The following PHKB variants were observed in gnomAD, a reference collection of about 807,000 sequenced individuals.
PHKB encodes the protein phosphorylase b kinase regulatory subunit beta.
In PHKB, 122 loss-of-function variants were observed where a neutral mutation model predicts 152.1. The observed-to-expected ratio is 0.80, with a 90% confidence interval of 0.69 to 0.93. PHKB has a LOEUF of 0.93. Among genes scored for constraint, PHKB ranks in the 40% least tolerant of loss-of-function variants. The pLI is 0.00. For synonymous variants in PHKB, 436 were observed against 464.9 expected (o/e 0.94, Z 0.80); for missense variants, 1,304 against 1,328.4 (o/e 0.98, Z 0.29).
chr16:47,558,806 TC>T (rs747097543), intron 7 of PHKB, among the ~76,000 whole-genome samples: 3 of 152,222 alleles, frequency 2.0e-5, no homozygotes, highest in Non-Finnish European at 2.9e-5. Flanking sequence ...CACCTTGGCC[TC>T]CCAAAGTGCT....
At chr16:47,516,156 G>A (rs1164901140) in intron 6 of PHKB, among the ~76,000 whole-genome samples, 1 of 152,082 alleles carries the variant, frequency 6.6e-6, no homozygotes, top group East Asian at 1.9e-4. Flanking sequence ...TTGATCTCCT[G>A]ACCTTGTGAT....
At chr16:47,665,663 G>C in intron 25 of PHKB, 6 of 506,368 alleles carry the variant, frequency 1.2e-5, no homozygotes, top group South Asian at 2.1e-5. Context: ...TAATAATTAG[G>C]TTTTCTTTTT....
At chr16:47,512,141 C>T (rs1970521377) in intron 5 of PHKB, among the ~76,000 whole-genome samples, 1 of 152,124 alleles carries the variant, frequency 6.6e-6, no homozygotes, top group Non-Finnish European at 1.5e-5. Context: ...GTCTGTGGCC[C>T]AGGGGTGGGG....
chr16:47,465,947 T>C (rs1202548923), intron 1 of PHKB, among the ~76,000 whole-genome samples: 2 of 152,228 alleles, frequency 1.3e-5, no homozygotes, highest in Non-Finnish European at 2.9e-5. Context: ...CTATCCAGTA[T>C]TGCCAAAAGT....
At chr16:47,484,297 G>A (rs1223801497) in intron 1 of PHKB, among the ~76,000 whole-genome samples, 1 of 152,104 alleles carries the variant, frequency 6.6e-6, no homozygotes, top group Non-Finnish European at 1.5e-5. Context: ...AAGTTGAATA[G>A]GCAAATTTTG....
Position 47,701,227 on chromosome 16 carries a change from AT to A in PHKB, c.*1866del, listed in dbSNP as rs1179817330. ...AGACTTAAAATTTTTGTTTGCCGAA[AT>A]TTTTACGAAAGTAAACTGTGTTGTA... On this transcript the variant is annotated 3_prime_UTR_variant, in exon 31 of 31. Transcript: ENST00000323584. The A allele has an allele frequency of 1.3e-5, 2 of 152,192 alleles. No individual in the cohort carries two copies. Among genetic ancestry groups the A allele is most frequent in the African/African-American group, 4.8e-5 (2 of 41,456 alleles). 9.4% of individuals were successfully genotyped at this position (152,192 alleles called of 1,614,324 possible). A position where few individuals can be genotyped will look rare whatever the true frequency, so the allele number is the denominator to read the frequency against.
chr16:47,566,340 C>T, intron 7 of PHKB: 1 of 1,374,764 alleles, frequency 7.3e-7, no homozygotes, highest in Non-Finnish European at 1.0e-6. Flanking sequence ...ATTTCTATCA[C>T]AGCCAGAAGA....
intron 14 of PHKB, among the ~76,000 whole-genome samples, chr16:47,630,339 G>A (rs889197918): frequency 3.9e-5 from 6 of 151,916 alleles, no homozygotes; most frequent in African/African-American, 9.7e-5. Flanking sequence ...AAAATTAGCC[G>A]GGCATGGTGG....
At chr16:47,565,020 G>A (rs973522583) in intron 7 of PHKB, 2 of 350,610 alleles carry the variant, frequency 5.7e-6, no homozygotes, top group African/African-American at 4.3e-5. Context: ...ATAGAGGTTT[G>A]ATTTGCTCTC....
chr16:47,663,761 G>C (rs1331058656), intron 24 of PHKB, 27 bp downstream of exon 24: 1 of 1,321,718 alleles, frequency 7.6e-7, no homozygotes, highest in Non-Finnish European at 1.1e-6. Context: ...TTGTTGTTAT[G>C]TTTTATTTTT....
At chr16:47,696,182 G>A (rs912009412) in intron 28 of PHKB, among the ~76,000 whole-genome samples, 199 bp from the exon 29 acceptor site, 2 of 152,158 alleles carry the variant, frequency 1.3e-5, no homozygotes, top group Non-Finnish European at 2.9e-5. Context: ...ACTAAAAATG[G>A]GAGGTTTAAT....
intron 6 of PHKB, among the ~76,000 whole-genome samples, chr16:47,540,454 G>C (rs1293014976): frequency 6.6e-6 from 1 of 151,902 alleles, no homozygotes; most frequent in Non-Finnish European, 1.5e-5. Flanking sequence ...GTGATCTTGT[G>C]ACCTACTCCC....
At chr16:47,484,303 T>C (rs1970014132) in intron 1 of PHKB, among the ~76,000 whole-genome samples, 1 of 152,158 alleles carries the variant, frequency 6.6e-6, no homozygotes, top group Non-Finnish European at 1.5e-5. Context: ...AATAGGCAAA[T>C]TTTGCTTCCT....
At chr16:47,465,453 C>T (rs189604280) in intron 1 of PHKB, among the ~76,000 whole-genome samples, 15 of 152,282 alleles carry the variant, frequency 9.9e-5, no homozygotes, top group Admixed American at 2.0e-4. Flanking sequence ...ATATACAAGA[C>T]GCTTTTCCTG....
chr16:47,486,375 C>T (rs189225428), intron 1 of PHKB, among the ~76,000 whole-genome samples: 130 of 152,126 alleles, frequency 8.5e-4, no homozygotes, highest in Middle Eastern at 6.8e-3. Context: ...AGGAGTAAAT[C>T]GGAATTTTAA....
chr16:47,551,811 G>A (rs1413248292), intron 7 of PHKB, among the ~76,000 whole-genome samples: 5 of 152,106 alleles, frequency 3.3e-5, no homozygotes, highest in Admixed American at 6.5e-5. Flanking sequence ...TTGACAGTCG[G>A]GTGTTAAAGT....
intron 14 of PHKB, among the ~76,000 whole-genome samples, chr16:47,633,476 A>T (rs1343439475): frequency 2.0e-5 from 3 of 152,174 alleles, no homozygotes; most frequent in Non-Finnish European, 4.4e-5. Flanking sequence ...ACCCTTCCAA[A>T]GGCATGGCAT....
At chr16:47,530,213 G>A (rs1970838163) in intron 6 of PHKB, among the ~76,000 whole-genome samples, 1 of 145,064 alleles carries the variant, frequency 6.9e-6, no homozygotes, top group African/African-American at 2.6e-5. Flanking sequence ...TCGGCTTACT[G>A]CAACCTCTGC....
intron 2 of PHKB, 54 bp downstream of exon 2, chr16:47,497,542 C>G (rs953048718): frequency 2.0e-6 from 2 of 1,022,664 alleles, no homozygotes; most frequent in Non-Finnish European, 3.1e-6. Context: ...TAGTATTCCC[C>G]TTGCCCTAGT....
Sources: gnomAD v4.1 joint callset for allele counts (sites outside exome capture counted in the v4.1 genomes callset) on GRCh38, gnomAD v4.1.1 for gene constraint, MANE v1.5 for transcripts, NCBI Gene and HGNC (gene_info 2026-07-23, HGNC 2026-07-21) for gene names.